The following ADAMTS20 variants were observed in gnomAD, a reference collection of about 807,000 sequenced individuals.
The protein encoded by ADAMTS20 is A disintegrin and metalloproteinase with thrombospondin motifs 20.
In ADAMTS20, 225 loss-of-function variants were observed where a neutral mutation model predicts 260.1. That is an observed-to-expected ratio of 0.87 (90% CI 0.78 to 0.97). The LOEUF (loss-of-function observed/expected upper bound fraction) is 0.97. Among genes scored for constraint, ADAMTS20 ranks in the 50% least tolerant of loss-of-function variants. The pLI is 0.00. For missense variants in ADAMTS20, 2,400 were observed against 2,337.7 expected (o/e 1.03, Z -0.55); for synonymous variants, 802 against 769.5 (o/e 1.04, Z -0.70).
chr12:43,428,457 C>A lies in ADAMTS20; in HGVS notation c.3729G>T (p.Glu1243Asp). ...LCMNYHQPIDENYCDPEVRPL... is the reference protein window; with the variant it reads ...LCMNYHQPIDDNYCDPEVRPL... ...GGCGAACTTCAGGATCACAGTAATT[C>A]TCATCAATTGGCTGATGGTAGTTCA... The change falls in exon 26 of 39, where the codon GAG becomes GAT. Residue 1243 changes from glutamate to aspartate, a missense_variant. Coordinates refer to ENST00000389420, the MANE Select transcript of ADAMTS20 (RefSeq NM_025003.5). 6.2e-7 allele frequency: 1 copy of A among 1,613,922 alleles called. No homozygotes were observed. The highest frequency in any genetic ancestry group is 2.2e-5 in the East Asian group (1 of 44,890).
chr12:43,465,954 G>T (rs1942145125), intron 9 of ADAMTS20, among the ~76,000 whole-genome samples: 1 of 152,030 alleles, frequency 6.6e-6, no homozygotes, highest in Non-Finnish European at 1.5e-5. Flanking sequence ...TACATCCATA[G>T]AAGAAGTGAA....
intron 28 of ADAMTS20, among the ~76,000 whole-genome samples, chr12:43,420,784 TCTC>T (rs1350594956): frequency 6.9e-5 from 9 of 130,764 alleles, no homozygotes; most frequent in Admixed American, 2.7e-4. Flanking sequence ...TTCTTCTTCT[TCTC>T]CTCCTCCTCC....
rs1259625876 is a variant in ADAMTS20, at chr12:43,439,647, C to A, written c.2568G>T (p.Trp856Cys). 1 of 1,610,544 alleles carries A rather than the reference C, an allele frequency of 6.2e-7. No individual in the cohort carries two copies. The highest frequency in any genetic ancestry group is 2.2e-5 in the East Asian group (1 of 44,848). ...CTTGACACATTTTGGTACAGCCTTC[C>A]CATGGTCCATAGGGGTCCCATGTGA... ...DMFTWDPYGP[W>C]EGCTKMCQGL... is the part of the protein sequence containing the mutation. The change falls in exon 18 of 39, where the codon TGG becomes TGT. Residue 856 changes from tryptophan (W) to cysteine (C), a missense_variant. Physicochemically the swap from Trp to Cys is radical, Grantham distance 215 (BLOSUM62 -2). Transcript: ENST00000389420.
At chr12:43,498,908 A>G (rs1460672259) in intron 4 of ADAMTS20, among the ~76,000 whole-genome samples, 1 of 152,082 alleles carries the variant, frequency 6.6e-6, no homozygotes, top group African/African-American at 2.4e-5. Context: ...TATTTTTGCA[A>G]CCATAAATAT....
intron 4 of ADAMTS20, among the ~76,000 whole-genome samples, chr12:43,501,477 G>A (rs111336307): frequency 0.071 from 4,420 of 62,114 alleles, 155 homozygotes; most frequent in East Asian, 0.21. Context: ...GCGCGCGCGC[G>A]CGCGCACACA....
At chr12:43,532,277 C>A (rs1460526079) in intron 2 of ADAMTS20, 82 bp from the exon 3 acceptor site, 8 of 1,244,798 alleles carry the variant, frequency 6.4e-6, no homozygotes, top group East Asian at 2.5e-5. Flanking sequence ...GTTAAATGAG[C>A]AGACAGAAGC....
intron 22 of ADAMTS20, among the ~76,000 whole-genome samples, chr12:43,430,831 ATTT>A (rs1941428565): frequency 6.6e-6 from 1 of 152,214 alleles, no homozygotes; most frequent in East Asian, 1.9e-4. Flanking sequence ...TACTAAGTAA[ATTT>A]TAAAGAGACA....
At chr12:43,470,640 G>A (rs1942238175) in intron 7 of ADAMTS20, among the ~76,000 whole-genome samples, 1 of 152,184 alleles carries the variant, frequency 6.6e-6, no homozygotes, top group Admixed American at 6.5e-5. Context: ...AATACAAGAA[G>A]CTGCATACAG....
rs1408604273 is a variant in ADAMTS20 at position 43,443,853 on chromosome 12, C to G, written c.2228G>C (p.Gly743Ala). ...CTGACGAATGTCAACGTTTGTTGCT[C>G]CTGCGGGAATCTTTACAACAACATT... Reference protein sequence around the residue: ...GYNVVVKIPAGATNVDIRQYS... With the variant: ...GYNVVVKIPAAATNVDIRQYS... Residue 743 changes from glycine (G) to alanine (A), a missense_variant, in exon 16 of 39, where the codon GGA becomes GCA. Transcript: ENST00000389420. The G allele has an allele frequency of 6.2e-7, 1 of 1,613,122 alleles. No homozygotes were observed. Among genetic ancestry groups the G allele is most frequent in the Admixed American group, 1.7e-5 (1 of 59,996 alleles).
intron 3 of ADAMTS20, among the ~76,000 whole-genome samples, chr12:43,531,391 A>C (rs952523061): frequency 6.6e-6 from 1 of 152,056 alleles, no homozygotes; most frequent in African/African-American, 2.4e-5. Flanking sequence ...AAATTTTTCT[A>C]TGATTATTTG....
rs1942120987 is a variant in ADAMTS20 at position 43,464,609 on chromosome 12, T to C, written c.1491A>G (p.Ser497=). ...KQCELAFGPG[S]QMCPHINICM... ...TTCTTACTATATGGGGACACATTTG[T>C]GACCCAGGACCAAACGCAAGCTCAC... Residue 497 remains serine, a synonymous_variant, in exon 10 of 39, where the codon TCA becomes TCG. Coordinates refer to ENST00000389420, the MANE Select transcript of ADAMTS20 (RefSeq NM_025003.5). 9.3e-6 allele frequency: 15 copies of C among 1,612,748 alleles called. No individual in the cohort carries two copies. The East Asian group carries it at 3.1e-4, about 34-fold the overall frequency.
chr12:43,368,521 A>G (rs535636574), intron 37 of ADAMTS20, among the ~76,000 whole-genome samples: 1 of 152,110 alleles, frequency 6.6e-6, no homozygotes, highest in Non-Finnish European at 1.5e-5. Flanking sequence ...GAAAATTATA[A>G]ATGGAATAGT....
At chr12:43,442,046 T>A (rs1392788732) in intron 16 of ADAMTS20, among the ~76,000 whole-genome samples, 1 of 152,270 alleles carries the variant, frequency 6.6e-6, no homozygotes, top group East Asian at 1.9e-4. Flanking sequence ...ATTGGTTATG[T>A]TAAATTTAAG....
At chr12:43,512,406 CT>C (rs1409451285) in intron 3 of ADAMTS20, among the ~76,000 whole-genome samples, 2 of 150,392 alleles carry the variant, frequency 1.3e-5, no homozygotes, top group African/African-American at 2.4e-5. Context: ...GTTAAACTGC[CT>C]ATTGTAATAT....
chr12:43,391,204 G>A (rs1284156699), intron 29 of ADAMTS20, among the ~76,000 whole-genome samples: 1 of 152,152 alleles, frequency 6.6e-6, no homozygotes, highest in Non-Finnish European at 1.5e-5. Flanking sequence ...TCTTTTATAA[G>A]AGAACTAATT....
intron 29 of ADAMTS20, among the ~76,000 whole-genome samples, chr12:43,396,412 T>C (rs537845543): frequency 6.6e-6 from 1 of 152,298 alleles, no homozygotes; most frequent in East Asian, 1.9e-4. Flanking sequence ...CCAGTGATTA[T>C]CTTGTAACTA....
At chr12:43,402,343 G>C (rs889138773) in intron 28 of ADAMTS20, among the ~76,000 whole-genome samples, 3 of 151,860 alleles carry the variant, frequency 2.0e-5, no homozygotes, top group Non-Finnish European at 4.4e-5. Flanking sequence ...CTCTAGGAAT[G>C]TTAGAAAAAA....
intron 28 of ADAMTS20, among the ~76,000 whole-genome samples, chr12:43,421,483 A>T: frequency 6.6e-6 from 1 of 152,202 alleles, no homozygotes; most frequent in South Asian, 2.1e-4. Context: ...AATTACTTCT[A>T]AAATGAAACT....
intron 28 of ADAMTS20, among the ~76,000 whole-genome samples, chr12:43,421,300 T>TAAAAAAA (rs1941233438): frequency 1.1e-5 from 1 of 93,456 alleles, no homozygotes; most frequent in African/African-American, 4.3e-5. Context: ...AAAAAAAAAC[T>TAAAAAAA]TTCTCTTTTT....
Sources: allele counts gnomAD v4.1 joint callset (sites outside exome capture counted in the v4.1 genomes callset), GRCh38; gene constraint gnomAD v4.1.1; transcripts MANE v1.5; gene names NCBI Gene and HGNC (gene_info 2026-07-23, HGNC 2026-07-21).